Variants in BRCA2 observed in about 807,000 individuals in gnomAD.
BRCA2 encodes BRCA2 DNA repair associated, also known as breast cancer type 2 susceptibility protein.
In BRCA2, 203 loss-of-function variants were observed where a neutral mutation model predicts 276.7. That is an observed-to-expected ratio of 0.73 (90% CI 0.65 to 0.82). The LOEUF is 0.82. BRCA2 is among the 40% of genes least tolerant of loss of function. BRCA2 has a pLI of 0.00. For synonymous variants in BRCA2, 1,289 were observed against 1,338.4 expected, an observed-to-expected ratio of 0.96 and a Z score of 0.81; for missense variants, 3,920 against 3,915.0, an observed-to-expected ratio of 1.00 and a Z score of -0.03.
intron 3 of BRCA2, among the ~76,000 whole-genome samples, chr13:32,323,137 GTTTGT>G (rs1357534573): frequency 1.4e-5 from 2 of 147,294 alleles, no homozygotes; most frequent in African/African-American, 5.0e-5. Context: ...GTACCTCATT[GTTTGT>G]TTTATTTAAT....
At chr13:32,367,659 G>C (rs2072793561) in intron 18 of BRCA2, among the ~76,000 whole-genome samples, 1 of 151,978 alleles carries the variant, frequency 6.6e-6, no homozygotes, top group South Asian at 2.1e-4. Flanking sequence ...ACCAGGTGTG[G>C]TGGCATGTGC....
intron 2 of BRCA2, among the ~76,000 whole-genome samples, chr13:32,318,450 T>C (rs190106289): frequency 1.2e-3 from 184 of 152,286 alleles, no homozygotes; most frequent in African/African-American, 4.4e-3. Flanking sequence ...TTTTTTTTTT[T>C]TTCTTTTTTG....
In BRCA2 at chr13:32,371,000, A is replaced by G; in HGVS notation, c.8532A>G (p.Glu2844=). 1 of 1,614,188 alleles carries G rather than the reference A, an allele frequency of 6.2e-7. No homozygotes were observed. Among genetic ancestry groups the G allele is most frequent in the East Asian group, 2.2e-5 (1 of 44,878 alleles). The change falls in exon 20 of 27, where the codon GAA becomes GAG. Residue 2844 remains glutamate, a synonymous_variant. Coordinates refer to ENST00000380152, the MANE Select transcript of BRCA2 (RefSeq NM_000059.4). ...TSSGLYIFRN[E]REEEKEAAKY... ...CTGGATTATACATATTTCGCAATGA[A>G]AGAGAGGAAGAAAAGGAAGCAGCAA...
At chr13:32,349,563 G>A (rs1276896666) in intron 13 of BRCA2, among the ~76,000 whole-genome samples, 1 of 151,836 alleles carries the variant, frequency 6.6e-6, no homozygotes, top group East Asian at 1.9e-4. Context: ...CGCCGGGTAC[G>A]GTGGCTCACA....
Position 32,336,870 on chromosome 13 carries a change from T to C in BRCA2, c.2515T>C (p.Tyr839His), listed in dbSNP as rs587778125. ...KNVELLPPEK[Y>H]MRVASPSRKV... ...CGTTGAGCTGTTGCCACCTGAAAAA[T>C]ACATGAGAGTAGCATCACCTTCAAG... The change falls in exon 11 of 27, where the codon TAC becomes CAC. Residue 839 changes from tyrosine to histidine, a missense_variant. This residue lies in a region of BRCA2 where 3,263 missense variants were observed against 3,156.9 expected (regional missense o/e 1.03). Coordinates refer to ENST00000380152, the MANE Select transcript of BRCA2 (RefSeq NM_000059.4). 5 of 1,610,512 alleles carry C rather than the reference T, an allele frequency of 3.1e-6. No individual in the cohort carries two copies. Among genetic ancestry groups the C allele is most frequent in the Admixed American group, 1.7e-5 (1 of 59,218 alleles).
In BRCA2 at chr13:32,340,038, G is replaced by A. The variant is rs146351301; in HGVS notation, c.5683G>A (p.Glu1895Lys). ...CQTKIMAGCY[E>K]ALDDSEDILH... ...AACGAAAATTATGGCAGGTTGTTACGAGGCATTGGATGATTCAGAGGATAT... is the reference window on the plus strand; with the variant it reads ...AACGAAAATTATGGCAGGTTGTTACAAGGCATTGGATGATTCAGAGGATAT... Residue 1895 changes from glutamate to lysine, a missense_variant, in exon 11 of 27, where the codon GAG becomes AAG. Glu to Lys is a moderately conservative substitution (Grantham distance 56, BLOSUM62 1). This residue lies in a region of BRCA2 where 3,263 missense variants were observed against 3,156.9 expected (regional missense o/e 1.03). Coordinates refer to ENST00000380152, the MANE Select transcript of BRCA2 (RefSeq NM_000059.4). 9.3e-6 allele frequency: 15 copies of A among 1,613,476 alleles called. No homozygotes were observed. In the East Asian group the frequency reaches 1.3e-4, roughly 14 times the overall value.
chr13:32,372,499 G>T (rs2072841353), intron 20 of BRCA2, among the ~76,000 whole-genome samples: 1 of 152,154 alleles, frequency 6.6e-6, no homozygotes, highest in Non-Finnish European at 1.5e-5. Flanking sequence ...AGAAGAGAGA[G>T]TGCAGGGGAA....
intron 13 of BRCA2, among the ~76,000 whole-genome samples, chr13:32,354,437 A>T (rs2072672706): frequency 1.3e-5 from 2 of 152,204 alleles, no homozygotes; most frequent in Non-Finnish European, 2.9e-5. Context: ...AAAAAGGTAT[A>T]AATAGGTAGA....
rs546612515 is a variant in BRCA2, at chr13:32,353,262, C to T, written c.7008-1599C>T. On this transcript the variant is annotated intron_variant, in intron 13 of 26. Transcript: ENST00000380152. ...GCCCAACTCATTAGAATTGTCCCTC[C>T]TCTTTTCACTTATCTCTTTGAGTAC... is the stretch of plus-strand genomic sequence containing the variant. 9.2e-5 allele frequency among the ~76,000 whole-genome samples: 14 copies of T among 152,274 alleles called. No individual in the cohort carries two copies. The South Asian group carries it at 2.9e-3, about 32-fold the overall frequency.
intron 11 of BRCA2, among the ~76,000 whole-genome samples, chr13:32,343,645 G>T (rs2072589294): frequency 6.6e-6 from 1 of 151,896 alleles, no homozygotes; most frequent in Non-Finnish European, 1.5e-5. Flanking sequence ...GAAAATAATG[G>T]CTTTATTTAT....
At chr13:32,370,683 C>T in intron 19 of BRCA2, 126 bp downstream of exon 19, 2 of 1,104,030 alleles carry the variant, frequency 1.8e-6, no homozygotes, top group Middle Eastern at 2.8e-4. Context: ...TCTTGGTTCA[C>T]TGCAGCCTCC....
chr13:32,351,725 C>A (rs1420473390), intron 13 of BRCA2, among the ~76,000 whole-genome samples: 1 of 152,070 alleles, frequency 6.6e-6, no homozygotes, highest in Non-Finnish European at 1.5e-5. Flanking sequence ...GTTGCAAAAT[C>A]TTTTCTAGCT....
chr13:32,350,515 C>T (rs545769476), intron 13 of BRCA2, among the ~76,000 whole-genome samples: 1 of 151,922 alleles, frequency 6.6e-6, no homozygotes, highest in Non-Finnish European at 1.5e-5. Context: ...TTTGGGAGGC[C>T]GAGGCGGGTG....
Position 32,399,983 on chromosome 13 carries a change from AC to A in BRCA2, c.*1215del. On this transcript the variant is annotated 3_prime_UTR_variant, in exon 27 of 27. Coordinates refer to ENST00000380152, the MANE Select transcript of BRCA2 (RefSeq NM_000059.4). ...GCATTTTTAGTAGAGACTGGGTTTT[AC>A]CATGTTGGCCAAGCTGGTCTCAAAC... 6.6e-6 allele frequency: 1 copy of A among 152,194 alleles called. No homozygotes were observed. The highest frequency in any genetic ancestry group is 1.9e-4 in the East Asian group (1 of 5,182). The allele number at this position is 152,194 out of a possible 1,614,324, so 9.4% of individuals were successfully genotyped here.
Position 32,325,163 on chromosome 13 carries a change from T to A in BRCA2, c.404T>A (p.Leu135Gln), listed in dbSNP as rs1393801743. The change falls in exon 4 of 27, where the codon CTA (leucine) becomes CAA (glutamine). Residue 135 changes from leucine to glutamine, a missense_variant. Transcript: ENST00000380152. ...DQADDVSCPL[L>Q]NSCLSESPVV... is the part of the protein sequence containing the mutation. The stretch of plus-strand genomic sequence containing the variant: ...GCAGATGATGTTTCCTGTCCACTTC[T>A]AAATTCTTGTCTTAGTGAAAGGTAT... 1.9e-6 allele frequency: 3 copies of A among 1,595,952 alleles called. No individual in the cohort carries two copies. The highest frequency in any genetic ancestry group is 1.3e-5 in the African/African-American group (1 of 74,516).
rs397507924 is a variant in BRCA2 at position 32,357,726 on chromosome 13, T to G, written c.7618-16T>G. 1.0e-5 allele frequency: 16 copies of G among 1,604,816 alleles called. No individual in the cohort carries two copies. Among genetic ancestry groups the G allele is most frequent in the Non-Finnish European group, 1.3e-5 (15 of 1,173,420 alleles). The stretch of plus-strand genomic sequence containing the variant: ...TTAAATTGTTTTTCTTTTTTGTGTG[T>G]GTTTATTTTGTGTAGCTGTATACGT... On this transcript the variant is annotated splice_polypyrimidine_tract_variant and intron_variant, in intron 15 of 26. Coordinates refer to ENST00000380152, the MANE Select transcript of BRCA2 (RefSeq NM_000059.4).
chr13:32,342,143 C>T (rs1409029444), intron 11 of BRCA2, among the ~76,000 whole-genome samples: 1 of 151,646 alleles, frequency 6.6e-6, no homozygotes, highest in Non-Finnish European at 1.5e-5. Context: ...CGTGGTGGCG[C>T]GCACCTATAA....
chr13:32,355,369 C>T, intron 14 of BRCA2, 81 bp downstream of exon 14: 1 of 1,503,404 alleles, frequency 6.7e-7, no homozygotes, highest in Non-Finnish European at 9.1e-7. Context: ...TGATGGTTTT[C>T]CCCCTTTGGT....
chr13:32,360,280 C>T (rs937344195), intron 16 of BRCA2, among the ~76,000 whole-genome samples: 81 of 152,104 alleles, frequency 5.3e-4, no homozygotes, highest in African/African-American at 1.9e-3. Flanking sequence ...AAAAGGAAGA[C>T]CTCATAGACC....
Sources: gnomAD v4.1 joint callset for allele counts (sites outside exome capture counted in the v4.1 genomes callset) on GRCh38, gnomAD v4.1.1 for gene constraint, gnomAD v4.1.1 regional missense constraint, MANE v1.5 for transcripts, NCBI Gene and HGNC (gene_info 2026-07-23, HGNC 2026-07-21) for gene names.